Variants in SCN3A observed in about 807,000 individuals in gnomAD.
The protein encoded by SCN3A is sodium channel protein type 3 subunit alpha.
SCN3A carries 60 observed loss-of-function variants against 187.6 expected under a neutral mutation model. The observed-to-expected ratio is 0.32, with a 90% CI of 0.26 to 0.40. The LOEUF (loss-of-function observed/expected upper bound fraction) is 0.40, where lower values mean the gene tolerates loss of function less well. SCN3A is among the 10% of genes least tolerant of loss of function. The pLI is 1.00. For synonymous variants in SCN3A, 788 were observed against 829.2 expected (o/e 0.95, Z 0.85); for missense variants, 1,601 against 2,428.2 (o/e 0.66, Z 7.16).
At chr2:165,143,530 G>A (rs182314490) in intron 12 of SCN3A, among the ~76,000 whole-genome samples, 146 of 152,154 alleles carry the variant, frequency 9.6e-4, no homozygotes, top group Non-Finnish European at 5.4e-4. Context: ...CAACAGAGAC[G>A]GAAAAAGAAG....
chr2:165,143,512 T>G (rs1346100828), intron 12 of SCN3A, among the ~76,000 whole-genome samples: 1 of 152,160 alleles, frequency 6.6e-6, no homozygotes, highest in Non-Finnish European at 1.5e-5. Context: ...TGAGCGCAGC[T>G]TTCAAGGCAA....
intron 25 of SCN3A, among the ~76,000 whole-genome samples, chr2:165,095,086 C>T (rs1160023912): frequency 6.6e-6 from 1 of 151,926 alleles, no homozygotes; most frequent in Non-Finnish European, 1.5e-5. Context: ...TCACAAAAAG[C>T]CATGGAGGTA....
At chr2:165,109,385 C>T (rs1025196329) in intron 21 of SCN3A, among the ~76,000 whole-genome samples, 27 of 152,112 alleles carry the variant, frequency 1.8e-4, no homozygotes, top group Non-Finnish European at 8.8e-5. Context: ...AAGTTCAGTA[C>T]CTTGTTTTGA....
Position 165,128,070 on chromosome 2 carries a change from C to T in SCN3A, c.2954G>A (p.Ser985Asn). 3 of 1,612,346 alleles carry T rather than the reference C, an allele frequency of 1.9e-6. No homozygotes were observed. The highest frequency in any genetic ancestry group is 1.7e-6 in the Non-Finnish European group (2 of 1,179,658). The change falls in exon 18 of 28, where the codon AGT (serine) becomes AAT (asparagine). Residue 985 changes from serine (S) to asparagine (N), a missense_variant. By Grantham distance (46) the Ser-to-Asn change is conservative (BLOSUM62 1). Transcript: ENST00000283254. The part of the protein sequence containing the change: ...VLNLFLALLL[S>N]SFSSDNLAAT... ...AGCAAGGTTGTCTGAGCTAAATGAA[C>T]TCAACAATAAGGCCAGAAAGAGGTT... is the stretch of plus-strand genomic sequence containing the variant.
chr2:165,153,709 C>T (rs1159161921), intron 11 of SCN3A, among the ~76,000 whole-genome samples: 11 of 152,188 alleles, frequency 7.2e-5, no homozygotes, highest in African/African-American at 2.2e-4. Context: ...ATTAAAAAGA[C>T]TGGCCATACC....
At chr2:165,168,639 G>A (rs1689924425) in intron 5 of SCN3A, 97 bp downstream of exon 5, 2 of 884,760 alleles carry the variant, frequency 2.3e-6, no homozygotes, top group Non-Finnish European at 3.8e-6. Flanking sequence ...CTTTTTCTTA[G>A]ACAGAAGTGG....
At chr2:165,195,087 A>G (rs1691863603) in intron 1 of SCN3A, 1 of 152,186 alleles carries the variant, frequency 6.6e-6, no homozygotes, top group Admixed American at 6.6e-5. Flanking sequence ...TCCACAGGTA[A>G]GAGAAAATTA....
chr2:165,125,397 G>A (rs772559798), intron 18 of SCN3A, among the ~76,000 whole-genome samples: 5 of 151,994 alleles, frequency 3.3e-5, no homozygotes, highest in South Asian at 2.1e-4. Flanking sequence ...TCCGCCTACC[G>A]GGTTCACACC....
chr2:165,116,397 G>T (rs1454081538), intron 18 of SCN3A, among the ~76,000 whole-genome samples: 1 of 152,144 alleles, frequency 6.6e-6, no homozygotes, highest in Non-Finnish European at 1.5e-5. Context: ...AATATTACAA[G>T]AATAAATAAT....
chr2:165,146,439 CAT>C (rs1366758605), intron 12 of SCN3A, among the ~76,000 whole-genome samples: 210 of 140,280 alleles, frequency 1.5e-3, no homozygotes, highest in Non-Finnish European at 2.7e-3. Context: ...TATATACACA[CAT>C]ATATATATAC....
At chr2:165,101,917 A>G (rs1226743594) in intron 21 of SCN3A, among the ~76,000 whole-genome samples, 10 of 152,214 alleles carry the variant, frequency 6.6e-5, no homozygotes, top group Admixed American at 5.9e-4. Flanking sequence ...AGAATAATAC[A>G]TGACTTGACT....
At chr2:165,159,629 C>T (rs1304978479) in intron 9 of SCN3A, among the ~76,000 whole-genome samples, 2 of 133,010 alleles carry the variant, frequency 1.5e-5, no homozygotes, top group Non-Finnish European at 3.0e-5. Flanking sequence ...TCCCAAAGTG[C>T]TGGATTACAG....
Position 165,138,055 on chromosome 2 carries a change from T to C in SCN3A, c.2215A>G (p.Ile739Val). ...AACCATGCATCACAGCAGTCCCAGA[T>C]CAAGAACACATTGGCAAATCTATAC... is the stretch of plus-strand genomic sequence containing the variant. ...CWYRFANVFLIWDCCDAWLKV... is the reference protein window; with the variant it reads ...CWYRFANVFLVWDCCDAWLKV... The change falls in exon 15 of 28, where the codon ATC becomes GTC. Residue 739 changes from isoleucine to valine, a missense_variant. Around this residue, in one of 11 missense-constraint regions of SCN3A, gnomAD observed 376 missense variants for 476.0 expected, o/e 0.79. Coordinates refer to ENST00000283254, the MANE Select transcript of SCN3A (RefSeq NM_006922.4). 3.1e-6 allele frequency: 5 copies of C among 1,613,620 alleles called. No individual in the cohort carries two copies. Among genetic ancestry groups the C allele is most frequent in the Non-Finnish European group, 4.2e-6 (5 of 1,179,644 alleles).
intron 5 of SCN3A, among the ~76,000 whole-genome samples, chr2:165,167,764 A>AT (rs1441649192): frequency 6.6e-6 from 1 of 152,108 alleles, no homozygotes; most frequent in Admixed American, 6.5e-5. Flanking sequence ...AATGAAGGGC[A>AT]TTTTTTCTCA....
chr2:165,196,672 G>A (rs979310788), intron 1 of SCN3A, among the ~76,000 whole-genome samples: 7 of 151,924 alleles, frequency 4.6e-5, no homozygotes, highest in African/African-American at 7.3e-5. Flanking sequence ...TATTAATTTC[G>A]CTCCACTATT....
At chr2:165,198,484 T>C (rs1416946406) in intron 1 of SCN3A, among the ~76,000 whole-genome samples, 3 of 152,096 alleles carry the variant, frequency 2.0e-5, no homozygotes, top group Non-Finnish European at 4.4e-5. Flanking sequence ...ATGTGTTTTA[T>C]TGAATCTATC....
At chr2:165,150,605 G>A (rs1688634152) in intron 11 of SCN3A, among the ~76,000 whole-genome samples, 1 of 152,098 alleles carries the variant, frequency 6.6e-6, no homozygotes, top group African/African-American at 2.4e-5. Context: ...GACTACTAAG[G>A]TAATAGAACT....
chr2:165,169,579 T>C (rs1003419938), intron 4 of SCN3A, among the ~76,000 whole-genome samples: 1 of 151,246 alleles, frequency 6.6e-6, no homozygotes, highest in Non-Finnish European at 1.5e-5. Context: ...GAGATAAATA[T>C]TTTATTTTAG....
At chr2:165,147,506 A>G (rs573116543) in intron 11 of SCN3A, among the ~76,000 whole-genome samples, 1 of 152,122 alleles carries the variant, frequency 6.6e-6, no homozygotes, top group Non-Finnish European at 1.5e-5. Flanking sequence ...AAAACATTTC[A>G]AGTGTCTACT....
Sources: gnomAD v4.1 joint callset for allele counts (sites outside exome capture counted in the v4.1 genomes callset) on GRCh38, gnomAD v4.1.1 for gene constraint, gnomAD v4.1.1 regional missense constraint, MANE v1.5 for transcripts, NCBI Gene and HGNC (gene_info 2026-07-23, HGNC 2026-07-21) for gene names.